LSAMP: variants seen among roughly 807,000 people sequenced by gnomAD.
LSAMP encodes limbic system associated membrane protein, also known as limbic system-associated membrane protein.
In LSAMP, 7 loss-of-function variants were observed where a neutral mutation model predicts 38.6. The ratio of observed to expected loss-of-function variants is 0.18; its 90% CI spans 0.10 to 0.34. The LOEUF (loss-of-function observed/expected upper bound fraction) is 0.34, where lower values mean the gene tolerates loss of function less well. Ranked by LOEUF, LSAMP falls within the 10% of genes least tolerant of loss-of-function variation. The pLI is 1.00. For synonymous variants in LSAMP, 154 were observed against 166.8 expected (o/e 0.92, Z 0.59); for missense variants, 313 against 420.0 (o/e 0.75, Z 2.23).
intron 1 of LSAMP, among the ~76,000 whole-genome samples, chr3:116,304,105 C>T (rs189014917): frequency 1.8e-4 from 27 of 152,232 alleles, no homozygotes; most frequent in East Asian, 9.7e-4. Flanking sequence ...CTTGGTAAGA[C>T]GTTCTCTGCA....
intron 1 of LSAMP, among the ~76,000 whole-genome samples, chr3:116,154,957 A>G (rs887162996): frequency 2.6e-5 from 4 of 152,152 alleles, no homozygotes; most frequent in Non-Finnish European, 5.9e-5. Context: ...ATTGTATAAA[A>G]AAGTTTGTAA....
chr3:115,897,863 A>C (rs1291985257), intron 3 of LSAMP, among the ~76,000 whole-genome samples: 4 of 152,154 alleles, frequency 2.6e-5, no homozygotes, highest in African/African-American at 4.8e-5. Context: ...TATGTTAATT[A>C]AATTGGGAGG....
rs1465701193 is a variant in LSAMP, at chr3:115,803,555, G to C, written c.*6762C>G. 1 of 152,068 alleles carries C rather than the reference G, an allele frequency of 6.6e-6. No homozygotes were observed. The highest frequency in any genetic ancestry group is 1.9e-4 in the East Asian group (1 of 5,184). The allele number at this position is 152,068 out of a possible 1,614,324, so 9.4% of individuals were successfully genotyped here. On this transcript the variant is annotated 3_prime_UTR_variant, in exon 7 of 7. Transcript: ENST00000490035. Reference sequence around the variant, plus strand: ...AACCTAACTTTCACATTTGATTTTGGCCTTCACAACAATTCATACTGTCTT... The same window carrying C: ...AACCTAACTTTCACATTTGATTTTGCCCTTCACAACAATTCATACTGTCTT...
chr3:116,274,068 AGG>A (rs2047015812), intron 1 of LSAMP, among the ~76,000 whole-genome samples: 1 of 97,052 alleles, frequency 1.0e-5, no homozygotes, highest in African/African-American at 4.4e-5. Flanking sequence ...ATTATTTCAG[AGG>A]AGTTTTCTGG....
At chr3:116,254,709 G>A (rs192996680) in intron 1 of LSAMP, among the ~76,000 whole-genome samples, 6 of 152,276 alleles carry the variant, frequency 3.9e-5, no homozygotes, top group Admixed American at 2.0e-4. Flanking sequence ...ACTACCATCT[G>A]TTTAGTGATT....
intron 1 of LSAMP, among the ~76,000 whole-genome samples, chr3:116,129,995 A>G (rs1709089293): frequency 6.6e-6 from 1 of 152,202 alleles, no homozygotes; most frequent in African/African-American, 2.4e-5. Flanking sequence ...CAGCAGCCCA[A>G]TATTCTTTTA....
intron 3 of LSAMP, among the ~76,000 whole-genome samples, chr3:115,862,013 AAG>A (rs1935719171): frequency 6.6e-6 from 1 of 152,192 alleles, no homozygotes; most frequent in Non-Finnish European, 1.5e-5. Context: ...ATATACTTAA[AAG>A]AGTCCTTTGG....
At chr3:116,419,474 C>G (rs2107852432) in intron 1 of LSAMP, among the ~76,000 whole-genome samples, 1 of 152,138 alleles carries the variant, frequency 6.6e-6, no homozygotes, top group South Asian at 2.1e-4. Context: ...GTTTAAATTT[C>G]TTTTTTTAGA....
intron 3 of LSAMP, among the ~76,000 whole-genome samples, chr3:116,011,245 G>C (rs1940315926): frequency 1.3e-5 from 2 of 152,148 alleles, no homozygotes; most frequent in Non-Finnish European, 2.9e-5. Context: ...ACTAGGGGGA[G>C]AATGAATGAG....
At chr3:116,367,495 C>CTTTTTTTTTTTTTTTTTTTTTTTTT (rs751600891) in intron 1 of LSAMP, among the ~76,000 whole-genome samples, 1 of 133,352 alleles carries the variant, frequency 7.5e-6, no homozygotes. Flanking sequence ...TATTTTCTTC[C>CTTTTTTTTTTTTTTTTTTTTTTTTT]TTTTTTTTTT....
chr3:115,824,381 G>C (rs1390807558), intron 6 of LSAMP, among the ~76,000 whole-genome samples: 1 of 152,112 alleles, frequency 6.6e-6, no homozygotes, highest in Admixed American at 6.6e-5. Flanking sequence ...TAAGAGACCA[G>C]CCAACTCATT....
At chr3:115,834,153 C>T (rs1460590305) in intron 6 of LSAMP, among the ~76,000 whole-genome samples, 7 of 152,006 alleles carry the variant, frequency 4.6e-5, no homozygotes, top group African/African-American at 1.7e-4. Context: ...ATAAGTAATA[C>T]CAATGACTTC....
At chr3:115,895,783 G>T (rs1181534272) in intron 3 of LSAMP, among the ~76,000 whole-genome samples, 2 of 152,024 alleles carry the variant, frequency 1.3e-5, no homozygotes, top group Non-Finnish European at 2.9e-5. Flanking sequence ...ATTCTGTAGA[G>T]AAATGTTTTG....
intron 1 of LSAMP, among the ~76,000 whole-genome samples, chr3:116,326,997 T>C (rs897211560): frequency 6.6e-6 from 1 of 152,154 alleles, no homozygotes; most frequent in African/African-American, 2.4e-5. Context: ...GTGGAGACCA[T>C]AGCTGAGAGG....
chr3:116,395,129 A>G (rs185164350), intron 1 of LSAMP, among the ~76,000 whole-genome samples: 7 of 152,204 alleles, frequency 4.6e-5, no homozygotes, highest in African/African-American at 1.4e-4. Flanking sequence ...CTTGCTTCAC[A>G]TGTAGTGACC....
chr3:116,243,928 A>T (rs566708759), intron 1 of LSAMP, among the ~76,000 whole-genome samples: 69 of 152,334 alleles, frequency 4.5e-4, no homozygotes, highest in African/African-American at 1.6e-3. Flanking sequence ...AAAAAACAGG[A>T]TAGTCTAATT....
At chr3:116,113,360 T>A (rs1232511434) in intron 1 of LSAMP, among the ~76,000 whole-genome samples, 1 of 148,916 alleles carries the variant, frequency 6.7e-6, no homozygotes, top group Non-Finnish European at 1.5e-5. Flanking sequence ...GCAAATGATG[T>A]TCGGTAGAGA....
intron 1 of LSAMP, among the ~76,000 whole-genome samples, chr3:116,267,283 G>T (rs1000724073): frequency 1.4e-4 from 22 of 152,020 alleles, no homozygotes; most frequent in Non-Finnish European, 8.8e-5. Flanking sequence ...CTCTTTCTGT[G>T]AAAAAAGAAG....
intron 1 of LSAMP, among the ~76,000 whole-genome samples, chr3:116,262,283 G>C (rs549787529): frequency 4.3e-4 from 66 of 152,144 alleles, no homozygotes; most frequent in African/African-American, 1.6e-3. Flanking sequence ...TATTGAATCT[G>C]GAATTTCATT....
Sources: gnomAD v4.1 joint callset for allele counts (sites outside exome capture counted in the v4.1 genomes callset) on GRCh38, gnomAD v4.1.1 for gene constraint, MANE v1.5 for transcripts, NCBI Gene and HGNC (gene_info 2026-07-23, HGNC 2026-07-21) for gene names.